Variants in CDH23 observed in about 807,000 individuals in gnomAD.
CDH23 encodes cadherin related 23.
In CDH23, 189 loss-of-function variants were observed where a neutral mutation model predicts 317.1. The ratio of observed to expected loss-of-function variants is 0.60; its 90% CI spans 0.53 to 0.67. The LOEUF (loss-of-function observed/expected upper bound fraction) is 0.67. CDH23 is among the 30% of genes least tolerant of loss of function. The pLI is 0.00. For missense variants in CDH23, 4,401 were observed against 4,592.4 expected (o/e 0.96, Z 1.20); for synonymous variants, 1,839 against 1,876.8 (o/e 0.98, Z 0.52).
intron 11 of CDH23, among the ~76,000 whole-genome samples, chr10:71,624,144 C>T (rs1861599171): frequency 6.6e-6 from 1 of 152,206 alleles, no homozygotes; most frequent in Non-Finnish European, 1.5e-5. Flanking sequence ...CTGCAGCCAG[C>T]TCATCCTCCT....
At chr10:71,409,324 A>G (rs112664387) in intron 1 of CDH23, among the ~76,000 whole-genome samples, 5 of 152,302 alleles carry the variant, frequency 3.3e-5, no homozygotes, top group African/African-American at 9.6e-5. Flanking sequence ...AGACAAAGAA[A>G]GTCTCTGAGC....
chr10:71,779,686 A>G (rs1162847159), intron 41 of CDH23, among the ~76,000 whole-genome samples: 1 of 152,252 alleles, frequency 6.6e-6, no homozygotes, highest in Non-Finnish European at 1.5e-5. Flanking sequence ...TTGGAGGGAC[A>G]CAGACTCCTT....
intron 48 of CDH23, among the ~76,000 whole-genome samples, chr10:71,796,515 A>G (rs1375213405): frequency 6.6e-6 from 1 of 152,218 alleles, no homozygotes; most frequent in Non-Finnish European, 1.5e-5. Context: ...TGTCCCCTCC[A>G]GGGAACCCCT....
In CDH23 at chr10:71,767,534, C is replaced by A. The variant is rs866174760; in HGVS notation, c.4846-10146C>A. On this transcript the variant is annotated intron_variant, in intron 38 of 69. Transcript: ENST00000224721. ...AATGGGACCTGGTTCCAGCTCCCCG[C>A]CAGGCCCCATCCCCCAGGATGGTCC... is the stretch of plus-strand genomic sequence containing the variant. Among the ~76,000 whole-genome samples, 6 of 152,358 alleles carry A rather than the reference C, an allele frequency of 3.9e-5. No homozygotes were observed. The South Asian group carries it at 6.2e-4, about 16-fold the overall frequency.
chr10:71,784,832 G>A, intron 42 of CDH23, 59 bp from the exon 43 acceptor site: 1 of 1,421,850 alleles, frequency 7.0e-7, no homozygotes, highest in Non-Finnish European at 9.9e-7. Flanking sequence ...CTCCTCGGTT[G>A]CCATGCACAA....
At chr10:71,669,365 C>T (rs116055325) in intron 14 of CDH23, among the ~76,000 whole-genome samples, 2,459 of 152,254 alleles carry the variant, frequency 0.016, 71 homozygotes, top group African/African-American at 0.056. Flanking sequence ...CACTTTCAGC[C>T]TTGTTTTCCT....
At chr10:71,792,562 C>T (rs922413065) in intron 47 of CDH23, among the ~76,000 whole-genome samples, 3 of 151,862 alleles carry the variant, frequency 2.0e-5, no homozygotes, top group Non-Finnish European at 2.9e-5. Context: ...AGGTGGCTCA[C>T]GCCTGTAATC....
intron 6 of CDH23, chr10:71,512,219 G>A (rs557803135): frequency 1.3e-5 from 2 of 152,266 alleles, no homozygotes; most frequent in South Asian, 2.1e-4. Context: ...CGAGGGTGAC[G>A]AGATCTTGCT....
chr10:71,702,158 C>T lies in CDH23; in HGVS notation c.2534C>T (p.Pro845Leu). The T allele has an allele frequency of 1.2e-6, 2 of 1,613,920 alleles. No individual in the cohort carries two copies. The highest frequency in any genetic ancestry group is 1.3e-5 in the African/African-American group (1 of 75,044). Reference sequence around the variant, plus strand: ...CACGCCATGCTGGACCGGGAGAACCCCGACCCCCATGAGGCCGAGCTGATG... The same window carrying T: ...CACGCCATGCTGGACCGGGAGAACCTCGACCCCCATGAGGCCGAGCTGATG... ...TTHAMLDREN[P>L]DPHEAELMRK... Residue 845 changes from proline to leucine, a missense_variant, in exon 23 of 70, where the codon CCC (proline) becomes CTC (leucine). Physicochemically the swap from Pro to Leu is moderately conservative, Grantham distance 98. Transcript: ENST00000224721.
chr10:71,405,311 C>T (rs956265832), intron 1 of CDH23, among the ~76,000 whole-genome samples: 1 of 152,134 alleles, frequency 6.6e-6, no homozygotes, highest in African/African-American at 2.4e-5. Context: ...TTTCCTGGAG[C>T]CAGGATCACT....
chr10:71,814,479 C>A (rs965387551), intron 69 of CDH23, among the ~76,000 whole-genome samples: 5 of 152,214 alleles, frequency 3.3e-5, no homozygotes, highest in African/African-American at 1.2e-4. Flanking sequence ...GAGGCTGAGG[C>A]TGGTGGATCA....
intron 41 of CDH23, among the ~76,000 whole-genome samples, chr10:71,781,614 A>T (rs1840956495): frequency 6.6e-6 from 1 of 152,146 alleles, no homozygotes; most frequent in African/African-American, 2.4e-5. Flanking sequence ...CCACAAGCGA[A>T]ACTTCCTGGG....
At position 71,694,278 on chromosome 10, in the gene CDH23, C is replaced by T. The variant is rs760057174; in HGVS notation, c.2289+19C>T. 8.2e-6 allele frequency: 13 copies of T among 1,583,362 alleles called. No individual in the cohort carries two copies. The highest frequency in any genetic ancestry group is 2.2e-5 in the East Asian group (1 of 44,492). ...CGCCACCGTGAGTGCGCTCCCCTCC[C>T]GTGCCCCAGCTCCCCCTCGCCGGCC... is the stretch of plus-strand genomic sequence containing the variant. On this transcript the variant is annotated intron_variant, in intron 21 of 69. Coordinates refer to ENST00000224721, the MANE Select transcript of CDH23 (RefSeq NM_022124.6).
At chr10:71,624,500 A>G (rs1274492654) in intron 11 of CDH23, among the ~76,000 whole-genome samples, 4 of 152,186 alleles carry the variant, frequency 2.6e-5, no homozygotes, top group Non-Finnish European at 5.9e-5. Flanking sequence ...TCAGGATTAA[A>G]TGGGTTCGTA....
chr10:71,427,564 A>G (rs1350988199), intron 1 of CDH23, among the ~76,000 whole-genome samples: 1 of 152,170 alleles, frequency 6.6e-6, no homozygotes, highest in Non-Finnish European at 1.5e-5. Context: ...CTGCTGAAGG[A>G]CATTTGGTTT....
chr10:71,716,158 C>T, intron 28 of CDH23: 1 of 1,550,726 alleles, frequency 6.4e-7, no homozygotes, highest in South Asian at 1.2e-5. Context: ...GCGCGGCCGG[C>T]TTGCAGAGCG....
At chr10:71,741,276 C>A (rs1839724925) in intron 37 of CDH23, among the ~76,000 whole-genome samples, 1 of 152,200 alleles carries the variant, frequency 6.6e-6, no homozygotes, top group Non-Finnish European at 1.5e-5. Context: ...CTCCAATCTG[C>A]CCTGGCATTG....
At chr10:71,623,761 T>G (rs1861579257) in intron 11 of CDH23, among the ~76,000 whole-genome samples, 1 of 152,172 alleles carries the variant, frequency 6.6e-6, no homozygotes. Context: ...CAATAGAAAC[T>G]GCTCTTAGGA....
intron 2 of CDH23, among the ~76,000 whole-genome samples, chr10:71,445,379 C>T (rs540875251): frequency 1.3e-5 from 2 of 152,300 alleles, no homozygotes; most frequent in South Asian, 4.1e-4. Flanking sequence ...CACACCAAAT[C>T]GTCTTGTGGG....
Sources: gnomAD v4.1 joint callset for allele counts (sites outside exome capture counted in the v4.1 genomes callset) on GRCh38, gnomAD v4.1.1 for gene constraint, MANE v1.5 for transcripts, NCBI Gene and HGNC (gene_info 2026-07-23, HGNC 2026-07-21) for gene names.